The following TRA2B variants were observed in gnomAD, a reference collection of about 807,000 sequenced individuals.
TRA2B encodes the protein transformer 2 beta homolog.
In TRA2B, 14 loss-of-function variants were observed where a neutral mutation model predicts 41.7. The observed-to-expected ratio is 0.34, with a 90% CI of 0.22 to 0.53. The LOEUF (loss-of-function observed/expected upper bound fraction) is 0.53, where lower values mean the gene tolerates loss of function less well. Ranked by LOEUF, TRA2B falls within the 20% of genes least tolerant of loss-of-function variation. The probability of loss-of-function intolerance (pLI) is 0.95; values close to 1 mark genes in which losing one functional copy is unlikely to be tolerated. For synonymous variants in TRA2B, 130 were observed against 128.8 expected (o/e 1.01, Z -0.06); for missense variants, 167 against 396.8 (o/e 0.42, Z 4.92).
intron 1 of TRA2B, chr3:185,929,022 T>C (rs1329956591): frequency 6.6e-6 from 1 of 152,224 alleles, no homozygotes; most frequent in African/African-American, 2.4e-5. Flanking sequence ...CACAGGAGTT[T>C]TCACTCAGCC....
Position 185,915,346 on chromosome 3 carries a change from T to G in TRA2B, c.*2369A>C, listed in dbSNP as rs1743464395. ...ACAGCTATAAGAAATGGATTGTTTG[T>G]ATTGGCATATAAAAGCCTCCAAGTC... On this transcript the variant is annotated 3_prime_UTR_variant, in exon 9 of 9. Transcript: ENST00000453386. Among the ~76,000 whole-genome samples, 1 of 152,248 alleles carries G rather than the reference T, an allele frequency of 6.6e-6. No homozygotes were observed. The highest frequency in any genetic ancestry group is 2.4e-5 in the African/African-American group (1 of 41,466).
At chr3:185,933,885 T>C (rs1271377925) in intron 1 of TRA2B, among the ~76,000 whole-genome samples, 1 of 152,112 alleles carries the variant, frequency 6.6e-6, no homozygotes, top group African/African-American at 2.4e-5. Context: ...GAAGACTACC[T>C]TTTAACCTAA....
At chr3:185,928,275 T>TA (rs1374655860) in intron 1 of TRA2B, 3 of 152,164 alleles carry the variant, frequency 2.0e-5, no homozygotes, top group African/African-American at 4.8e-5. Context: ...TCCAGTAAAA[T>TA]GAGTTCAGGT....
intron 6 of TRA2B, among the ~76,000 whole-genome samples, chr3:185,920,656 G>A (rs150247162): frequency 1.3e-4 from 20 of 152,074 alleles, no homozygotes; most frequent in African/African-American, 4.1e-4. Flanking sequence ...CCGGGTTCAA[G>A]CAATTCACCT....
chr3:185,925,291 G>A lies in TRA2B; in HGVS notation c.333+173C>T, dbSNP rs567365589. On this transcript the variant is annotated intron_variant, in intron 3 of 8. Transcript: ENST00000453386. ...TGCTTAATTGACAGGCAGCCCAAATGCAGACCCCGTCATGGAAGATTAACT... is the reference window on the plus strand; with the variant it reads ...TGCTTAATTGACAGGCAGCCCAAATACAGACCCCGTCATGGAAGATTAACT... 2.5e-5 allele frequency: 17 copies of A among 676,112 alleles called. No individual in the cohort carries two copies. The South Asian group carries it at 3.2e-4, about 13-fold the overall frequency. 41.9% of individuals were successfully genotyped at this position (676,112 alleles called of 1,614,324 possible).
rs774783915 is a variant in TRA2B, at chr3:185,937,777, G to A, written c.36+48C>T. 3.1e-6 allele frequency: 5 copies of A among 1,612,984 alleles called. No individual in the cohort carries two copies. The Admixed American group carries it at 5.0e-5, about 16-fold the overall frequency. On this transcript the variant is annotated intron_variant, in intron 1 of 8. Transcript: ENST00000453386. ...GAGGCCGACGGGCCTAGAAAAAGAT[G>A]CAAGGAGCTAGGACCACACAGCCAC...
rs1164947103 is a variant in TRA2B at position 185,916,601 on chromosome 3, G to C, written c.*1114C>G. On this transcript the variant is annotated 3_prime_UTR_variant, in exon 9 of 9. Coordinates refer to ENST00000453386, the MANE Select transcript of TRA2B (RefSeq NM_004593.3). ...GCACTCTGAATTTTCCAGGAATACA[G>C]AAATTCATCCCCCCCTCAACCCAGC... is the stretch of plus-strand genomic sequence containing the variant. 1 of 152,450 alleles carries C rather than the reference G, an allele frequency of 6.6e-6. No individual in the cohort carries two copies. The highest frequency in any genetic ancestry group is 2.4e-5 in the African/African-American group (1 of 41,446). 9.4% of individuals were successfully genotyped at this position (152,450 alleles called of 1,614,324 possible).
At chr3:185,926,909 A>G (rs960245892) in intron 1 of TRA2B, 175 bp from the exon 2 acceptor site, 12 of 711,322 alleles carry the variant, frequency 1.7e-5, no homozygotes, top group African/African-American at 1.1e-4. Flanking sequence ...TCCAAATGAC[A>G]TAAGTCAATT....
rs926028498 is a variant in TRA2B, at chr3:185,925,157, T to C, written c.333+307A>G. 6.3e-5 allele frequency: 11 copies of C among 175,292 alleles called. No individual in the cohort carries two copies. In the East Asian group the frequency reaches 1.7e-3, roughly 26 times the overall value. The allele number at this position is 175,292 out of a possible 1,614,324, so 10.9% of individuals were successfully genotyped here. On this transcript the variant is annotated intron_variant, in intron 3 of 8. Transcript: ENST00000453386. ...AGCCTGGAAAGAGTTAATGTTAGCA[T>C]AGAACTATATTTTGAACTAATGTAC...
chr3:185,936,848 TA>T (rs1014970080), intron 1 of TRA2B: 16 of 985,380 alleles, frequency 1.6e-5, no homozygotes, highest in Non-Finnish European at 1.9e-5. Flanking sequence ...ACCAGCTACG[TA>T]TGCTGTTTAA....
intron 5 of TRA2B, 38 bp downstream of exon 5, chr3:185,921,973 A>G (rs777645423): frequency 1.3e-6 from 2 of 1,518,248 alleles, no homozygotes; most frequent in African/African-American, 1.4e-5. Context: ...TGACAAGTGA[A>G]AAACTGCCAA....
chr3:185,918,391 C>T lies in TRA2B; in HGVS notation c.830G>A (p.Arg277His), dbSNP rs776604450. The change falls in exon 8 of 9, where the codon CGT (arginine) becomes CAT (histidine). Residue 277 changes from arginine to histidine, a missense_variant. Arg to His is a conservative substitution (Grantham distance 29). Transcript: ENST00000453386. ...AGGTGAGTATGATCGAGATCTGGAA[C>T]GTGATCTGTATCCTCCACGACTATA... ...PYYSRGGYRSRSRSRSYSPRR... is the reference protein window; with the variant it reads ...PYYSRGGYRSHSRSRSYSPRR... The T allele has an allele frequency of 6.8e-6, 11 of 1,613,630 alleles. No homozygotes were observed. Among genetic ancestry groups the T allele is most frequent in the Middle Eastern group, 1.6e-4 (1 of 6,062 alleles).
chr3:185,926,883 T>G, intron 1 of TRA2B, 149 bp from the exon 2 acceptor site: 1 of 877,144 alleles, frequency 1.1e-6, no homozygotes, highest in Non-Finnish European at 1.7e-6. Flanking sequence ...ATACCTGGTG[T>G]TAATAGTTTC....
intron 1 of TRA2B, chr3:185,929,173 T>C (rs1350091198): frequency 6.6e-6 from 1 of 152,224 alleles, no homozygotes; most frequent in East Asian, 1.9e-4. Flanking sequence ...CGATCCTTTA[T>C]CAGGGATATT....
rs950044349 is a variant in TRA2B, at chr3:185,922,301, T to C, written c.523-175A>G. 3 of 439,426 alleles carry C rather than the reference T, an allele frequency of 6.8e-6. No homozygotes were observed. In the Admixed American group the frequency reaches 1.2e-4, roughly 18 times the overall value. 27.2% of individuals were successfully genotyped at this position (439,426 alleles called of 1,614,324 possible). On this transcript the variant is annotated intron_variant, in intron 4 of 8. Transcript: ENST00000453386. Reference sequence around the variant, plus strand: ...TGTTGTTCCCTCTACTAAATGTTCATTTGTAAAAGCTACTCATAAAAACTT... The same window carrying C: ...TGTTGTTCCCTCTACTAAATGTTCACTTGTAAAAGCTACTCATAAAAACTT...
chr3:185,936,461 TGATTA>T, intron 1 of TRA2B: 1 of 985,440 alleles, frequency 1.0e-6, no homozygotes, highest in Non-Finnish European at 1.2e-6. Flanking sequence ...ACGCAAGGCT[TGATTA>T]GTTCAAACCA....
chr3:185,930,328 A>C (rs754624605), intron 1 of TRA2B, among the ~76,000 whole-genome samples: 19 of 152,118 alleles, frequency 1.2e-4, no homozygotes, highest in Admixed American at 3.9e-4. Context: ...AACATAAAAT[A>C]ACATTTATCA....
At chr3:185,924,518 A>G (rs1743869010) in intron 3 of TRA2B, 1 of 152,690 alleles carries the variant, frequency 6.5e-6, no homozygotes, top group Admixed American at 6.5e-5. Flanking sequence ...CAATCGTAAG[A>G]AACAAGAGTT....
At chr3:185,918,766 T>C (rs1436935385) in intron 7 of TRA2B, among the ~76,000 whole-genome samples, 1 of 152,146 alleles carries the variant, frequency 6.6e-6, no homozygotes, top group African/African-American at 2.4e-5. Context: ...CCCAGCACTT[T>C]GGGAGGCCAA....
Sources: gnomAD v4.1 joint callset for allele counts (sites outside exome capture counted in the v4.1 genomes callset) on GRCh38, gnomAD v4.1.1 for gene constraint, MANE v1.5 for transcripts, NCBI Gene and HGNC (gene_info 2026-07-23, HGNC 2026-07-21) for gene names.